Variants in SLC12A5 observed in about 807,000 individuals in gnomAD.
SLC12A5 encodes solute carrier family 12 member 5, also known as K-Cl cotransporter 2.
In SLC12A5, 18 loss-of-function variants were observed where a neutral mutation model predicts 124.0. The observed-to-expected ratio is 0.15, with a 90% CI of 0.10 to 0.22. The LOEUF is 0.22. SLC12A5 is among the 10% of genes least tolerant of loss of function. The pLI is 1.00. For synonymous variants in SLC12A5, 589 were observed against 568.0 expected (o/e 1.04, Z -0.53); for missense variants, 867 against 1,478.7 (o/e 0.59, Z 6.78).
chr20:46,046,081 C>A, intron 13 of SLC12A5, 85 bp downstream of exon 13: 2 of 1,313,318 alleles, frequency 1.5e-6, no homozygotes, highest in Non-Finnish European at 2.2e-6. Flanking sequence ...GACAACCCAC[C>A]CAGACACTTT....
Position 46,045,914 on chromosome 20 carries a change from T to A in SLC12A5, c.1606T>A (p.Trp536Arg). 3 of 1,614,216 alleles carry A rather than the reference T, an allele frequency of 1.9e-6. No individual in the cohort carries two copies. The highest frequency in any genetic ancestry group is 2.5e-6 in the Non-Finnish European group (3 of 1,180,044). Residue 536 changes from tryptophan (W) to arginine (R), a missense_variant, in exon 13 of 26, where the codon TGG becomes AGG. Around this residue, in one of 9 missense-constraint regions of SLC12A5, gnomAD observed 152 missense variants for 358.7 expected, o/e 0.42. Coordinates refer to ENST00000243964, the MANE Select transcript of SLC12A5 (RefSeq NM_020708.5). The surrounding 1 kb of genome is among the most constrained non-coding windows in gnomAD (Gnocchi z 4.9). ...TGGCAAGGCCAATGGAGAGCCGACC[T>A]GGGCCCTGCTCCTGACTGCCTGCAT... is the stretch of plus-strand genomic sequence containing the variant. ...GHGKANGEPT[W>R]ALLLTACICE...
chr20:46,043,345 G>A, intron 9 of SLC12A5, 22 bp downstream of exon 9: 1 of 1,609,750 alleles, frequency 6.2e-7, no homozygotes, highest in Non-Finnish European at 8.5e-7. Context: ...CTCAGAGAGG[G>A]AAGACTCTGC....
chr20:46,050,818 G>A (rs112033225), intron 17 of SLC12A5, among the ~76,000 whole-genome samples: 4,787 of 152,332 alleles, frequency 0.031, 111 homozygotes, highest in Non-Finnish European at 0.048. Flanking sequence ...ACCGGATGTC[G>A]ATAAATGCTG....
chr20:46,057,073 A>G lies in SLC12A5; in HGVS notation c.3126-97A>G, dbSNP rs1336232901. ...TGGTGGTCCTAGGCTTGCAAGAACCAGTCCCCAGCAGCCCAGTTCGGGCTG... is the reference window on the plus strand; with the variant it reads ...TGGTGGTCCTAGGCTTGCAAGAACCGGTCCCCAGCAGCCCAGTTCGGGCTG... On this transcript the variant is annotated intron_variant, in intron 24 of 25. Coordinates refer to ENST00000243964, the MANE Select transcript of SLC12A5 (RefSeq NM_020708.5). This position sits in a 1 kb window ranked among gnomAD's most constrained non-coding sequence, Gnocchi z 7.1. The G allele has an allele frequency of 1.9e-6, 3 of 1,595,840 alleles. No individual in the cohort carries two copies. Among genetic ancestry groups the G allele is most frequent in the Non-Finnish European group, 2.6e-6 (3 of 1,166,600 alleles).
At chr20:46,024,408 C>T (rs952155752), upstream of SLC12A5, among the ~76,000 whole-genome samples, 1 of 152,148 alleles carries the variant, frequency 6.6e-6, no homozygotes, top group Non-Finnish European at 1.5e-5. Flanking sequence ...AGCACCTCCT[C>T]TCTGGCAGAT....
intron 18 of SLC12A5, among the ~76,000 whole-genome samples, chr20:46,052,675 C>A (rs2084656397): frequency 6.6e-6 from 1 of 152,216 alleles, no homozygotes; most frequent in Non-Finnish European, 1.5e-5. Context: ...TGTGGTCATA[C>A]ATGATGGGCT....
chr20:46,055,063 C>A, intron 21 of SLC12A5, 40 bp downstream of exon 21: 1 of 1,491,570 alleles, frequency 6.7e-7, no homozygotes, highest in Non-Finnish European at 9.4e-7. Context: ...CCTCAAACTG[C>A]TGCCAGTTCT....
rs2084583036 is a variant in SLC12A5, at chr20:46,045,151, GAGA to G, written c.1569+16_1569+18del. The G allele has an allele frequency of 1.3e-6, 2 of 1,556,148 alleles. No individual in the cohort carries two copies. The highest frequency in any genetic ancestry group is 1.4e-5 in the African/African-American group (1 of 73,962). ...GTGCCCTTCCTGCAGGTCAGTGTGG[GAGA>G]AGAACAGCCCACCCTCAGTAGACCA... On this transcript the variant is annotated intron_variant, in intron 12 of 25. Transcript: ENST00000243964. This position sits in a 1 kb window ranked among gnomAD's most constrained non-coding sequence, Gnocchi z 4.9.
chr20:46,035,142 A>T (rs182439349), intron 2 of SLC12A5, 100 bp downstream of exon 2: 7 of 1,238,526 alleles, frequency 5.7e-6, no homozygotes, highest in Non-Finnish European at 7.0e-6. Context: ...CCTCGTCTCC[A>T]CCCCTCCCTT....
rs1297949778 is a variant in SLC12A5 at position 46,036,573 on chromosome 20, GAGA to G, written c.427-162_427-160del. 27 of 598,226 alleles carry G rather than the reference GAGA, an allele frequency of 4.5e-5. No homozygotes were observed. In the East Asian group the frequency reaches 6.3e-4, roughly 14 times the overall value. 37.1% of individuals were successfully genotyped at this position (598,226 alleles called of 1,614,324 possible). On this transcript the variant is annotated intron_variant, in intron 4 of 25. Transcript: ENST00000243964. ...TTCGCATGGTGAATAAGGTTTTCTT[GAGA>G]AGAAGGACTTGGCAGGAGTAGAAGT...
chr20:46,023,434 C>G (rs550695807), exon 3 of SLC12A5: 1 of 398,850 alleles, frequency 2.5e-6, no homozygotes, highest in East Asian at 3.6e-5. Context: ...CTGGCAGCAT[C>G]GGTCCCCCCT....
Position 46,045,913 on chromosome 20 carries a change from C to T in SLC12A5, c.1605C>T (p.Thr535=). The T allele has an allele frequency of 1.2e-6, 2 of 1,614,194 alleles. No individual in the cohort carries two copies. The highest frequency in any genetic ancestry group is 8.5e-7 in the Non-Finnish European group (1 of 1,180,032). The change falls in exon 13 of 26, where the codon ACC becomes ACT. Residue 535 remains threonine (T), a synonymous_variant. Transcript: ENST00000243964. This position sits in a 1 kb window ranked among gnomAD's most constrained non-coding sequence, Gnocchi z 4.9. Reference sequence around the variant, plus strand: ...ATGGCAAGGCCAATGGAGAGCCGACCTGGGCCCTGCTCCTGACTGCCTGCA... The same window carrying T: ...ATGGCAAGGCCAATGGAGAGCCGACTTGGGCCCTGCTCCTGACTGCCTGCA... ...FGHGKANGEP[T]WALLLTACIC... is the part of the protein sequence containing the mutation.
At chr20:46,036,708 C>T (rs534518356) in intron 4 of SLC12A5, 33 bp from the exon 5 acceptor site, 2 of 1,612,934 alleles carry the variant, frequency 1.2e-6, no homozygotes, top group Admixed American at 3.3e-5. Context: ...GCCCCTACCC[C>T]AGCCACCGCT....
chr20:46,046,649 G>A (rs1251992808), intron 14 of SLC12A5, among the ~76,000 whole-genome samples: 2 of 152,142 alleles, frequency 1.3e-5, no homozygotes, highest in Non-Finnish European at 2.9e-5. Context: ...CATCATAAGC[G>A]GTCTCAGCTG....
At chr20:46,046,033 G>C (rs769405643) in intron 13 of SLC12A5, 37 bp downstream of exon 13, 3 of 1,588,614 alleles carry the variant, frequency 1.9e-6, no homozygotes, top group Non-Finnish European at 2.6e-6. Flanking sequence ...CCCTGGTTCA[G>C]GGTGTTTCTC....
chr20:46,047,850 C>A, intron 15 of SLC12A5, 131 bp from the exon 16 acceptor site: 2 of 913,462 alleles, frequency 2.2e-6, no homozygotes, highest in African/African-American at 1.7e-5. Flanking sequence ...AGTCTGTTGG[C>A]AGGAGTGATA....
chr20:46,029,711 G>T (rs1318658079), intron 1 of SLC12A5, among the ~76,000 whole-genome samples: 1 of 152,174 alleles, frequency 6.6e-6, no homozygotes, highest in Non-Finnish European at 1.5e-5. Flanking sequence ...GGGCTGATGT[G>T]GAGCTCGACG....
At chr20:46,023,436 G>T in exon 3 of SLC12A5, 1 of 398,674 alleles carries the variant, frequency 2.5e-6, no homozygotes, top group African/African-American at 2.1e-5. Flanking sequence ...GGCAGCATCG[G>T]TCCCCCCTCT....
At chr20:46,026,033 C>G (rs547790951), upstream of SLC12A5, among the ~76,000 whole-genome samples, 22 of 152,270 alleles carry the variant, frequency 1.4e-4, no homozygotes, top group South Asian at 3.3e-3. Context: ...GGATGGAGTC[C>G]CGGACAGGAG....
Sources: gnomAD v4.1 joint callset for allele counts (sites outside exome capture counted in the v4.1 genomes callset) on GRCh38, gnomAD v4.1.1 for gene constraint, gnomAD v4.1.1 regional missense constraint, Gnocchi (gnomAD v3.1) non-coding constraint, MANE v1.5 for transcripts, NCBI Gene and HGNC (gene_info 2026-07-23, HGNC 2026-07-21) for gene names.